SLC4A10: variants seen among roughly 807,000 people sequenced by gnomAD.
SLC4A10 encodes the protein solute carrier family 4 member 10, also known as sodium-driven chloride bicarbonate exchanger.
Under a neutral mutation model 137.7 loss-of-function variants are expected in SLC4A10, and 42 were observed. The observed-to-expected ratio is 0.30, with a 90% CI of 0.24 to 0.39. SLC4A10 has a LOEUF of 0.39. SLC4A10 is among the 10% of genes least tolerant of loss of function. SLC4A10 has a pLI of 1.00. For synonymous variants in SLC4A10, 474 were observed against 464.1 expected (o/e 1.02, Z -0.27); for missense variants, 925 against 1,355.0 (o/e 0.68, Z 4.98).
rs533675248 is a variant in SLC4A10, at chr2:161,651,920, G to C, written c.48+27354G>C. ...TCCCAGTGGACCTGAGCAATACTCA[G>C]GCAGAAGGCGCCGCTGGCCACAGAG... On this transcript the variant is annotated intron_variant, in intron 1 of 26. Transcript: ENST00000446997. 3.3e-5 allele frequency among the ~76,000 whole-genome samples: 5 copies of C among 152,318 alleles called. No homozygotes were observed. In the East Asian group the frequency reaches 9.7e-4, roughly 29 times the overall value.
intron 1 of SLC4A10, among the ~76,000 whole-genome samples, chr2:161,697,650 G>C (rs1425347664): frequency 6.6e-6 from 1 of 152,136 alleles, no homozygotes; most frequent in Non-Finnish European, 1.5e-5. Flanking sequence ...GCTCTATTCT[G>C]TTCCATTGAT....
At chr2:161,888,760 A>G (rs180818416) in intron 10 of SLC4A10, among the ~76,000 whole-genome samples, 1 of 152,236 alleles carries the variant, frequency 6.6e-6, no homozygotes, top group African/African-American at 2.4e-5. Flanking sequence ...CTCTCTTCCT[A>G]TTTGAATACC....
chr2:161,693,772 T>A (rs1387471074), intron 1 of SLC4A10, among the ~76,000 whole-genome samples: 1 of 151,610 alleles, frequency 6.6e-6, no homozygotes, highest in Non-Finnish European at 1.5e-5. Context: ...GCCCTTCAGG[T>A]TCATCCATGT....
chr2:161,917,114 C>T (rs1169411577), intron 15 of SLC4A10, among the ~76,000 whole-genome samples: 1 of 152,174 alleles, frequency 6.6e-6, no homozygotes, highest in Admixed American at 6.5e-5. Context: ...TAGAATTTTA[C>T]ATAAATGGAA....
intron 15 of SLC4A10, among the ~76,000 whole-genome samples, chr2:161,913,017 T>C (rs370096480): frequency 1.2e-4 from 19 of 152,246 alleles, no homozygotes; most frequent in African/African-American, 4.3e-4. Flanking sequence ...TCATGCAAGA[T>C]GAAGTCAAAG....
chr2:161,641,764 T>G (rs2035355325), intron 1 of SLC4A10, among the ~76,000 whole-genome samples: 1 of 152,002 alleles, frequency 6.6e-6, no homozygotes, highest in Non-Finnish European at 1.5e-5. Flanking sequence ...TAAAGACCAT[T>G]TGTGTAATAT....
At position 161,724,977 on chromosome 2, in the gene SLC4A10, C is replaced by G. The variant is rs1315225610; in HGVS notation, c.49-45996C>G. ...TGTTTAAGGGCAAAGGCATTAAATA[C>G]ACATCTTTTATTTCTTTAAAGCCAT... On this transcript the variant is annotated intron_variant, in intron 1 of 26. Coordinates refer to ENST00000446997, the MANE Select transcript of SLC4A10 (RefSeq NM_001178015.2). Among the ~76,000 whole-genome samples, 4 of 152,134 alleles carry G rather than the reference C, an allele frequency of 2.6e-5. No individual in the cohort carries two copies. The East Asian group carries it at 7.7e-4, about 29-fold the overall frequency.
intron 21 of SLC4A10, among the ~76,000 whole-genome samples, chr2:161,963,023 G>A (rs1383079056): frequency 6.6e-6 from 1 of 152,110 alleles, no homozygotes; most frequent in Admixed American, 6.6e-5. Context: ...AACAGTGACT[G>A]ACAGTGATTG....
chr2:161,942,965 C>CA (rs1251839305), intron 16 of SLC4A10, 68 bp downstream of exon 16: 1 of 1,279,126 alleles, frequency 7.8e-7, no homozygotes. Flanking sequence ...CAATTATTGC[C>CA]ATTACAGTAA....
chr2:161,795,110 CTG>C (rs1250954997), intron 2 of SLC4A10, among the ~76,000 whole-genome samples: 1 of 152,000 alleles, frequency 6.6e-6, no homozygotes, highest in African/African-American at 2.4e-5. Flanking sequence ...CCTGGGCCCT[CTG>C]TGTTTCTGTG....
In SLC4A10 at chr2:161,894,768, T is replaced by A; in HGVS notation, c.1284T>A (p.Pro428=). Residue 428 remains proline (P), a synonymous_variant, in exon 11 of 27, where the codon CCT becomes CCA. Coordinates refer to ENST00000446997, the MANE Select transcript of SLC4A10 (RefSeq NM_001178015.2). ...DEFLDQVTVL[P]PGEWDPSIRI... ...TTCTGGATCAGGTTACTGTTCTCCC[T>A]CCTGGAGAATGGGATCCAAGCATTC... 7.0e-7 allele frequency: 1 copy of A among 1,427,054 alleles called. No homozygotes were observed. The highest frequency in any genetic ancestry group is 1.9e-5 in the South Asian group (1 of 52,292). The allele number at this position is 1,427,054 out of a possible 1,614,324, so 88.4% of individuals were successfully genotyped here. A position where few individuals can be genotyped will look rare whatever the true frequency, so the allele number is the denominator to read the frequency against.
chr2:161,951,891 G>A (rs1694866932), intron 19 of SLC4A10, among the ~76,000 whole-genome samples: 1 of 152,082 alleles, frequency 6.6e-6, no homozygotes, highest in Non-Finnish European at 1.5e-5. Context: ...TGAGTATATG[G>A]TGGAGAGAAT....
chr2:161,831,442 T>A (rs1053621016), intron 3 of SLC4A10, among the ~76,000 whole-genome samples: 5 of 152,144 alleles, frequency 3.3e-5, no homozygotes, highest in Non-Finnish European at 7.4e-5. Flanking sequence ...GATTTTTTTT[T>A]ATGACTAAGG....
At chr2:161,933,562 T>A (rs990804295) in intron 15 of SLC4A10, among the ~76,000 whole-genome samples, 1 of 152,054 alleles carries the variant, frequency 6.6e-6, no homozygotes, top group Non-Finnish European at 1.5e-5. Flanking sequence ...CTGCCTAATT[T>A]AAAAAATTTG....
chr2:161,710,880 T>C (rs2044215798), intron 1 of SLC4A10: 1 of 264,624 alleles, frequency 3.8e-6, no homozygotes, highest in African/African-American at 2.2e-5. Context: ...CATTTCCTGC[T>C]TTCAAGGAGA....
At chr2:161,817,757 T>C (rs1483615717) in intron 3 of SLC4A10, among the ~76,000 whole-genome samples, 3 of 152,088 alleles carry the variant, frequency 2.0e-5, no homozygotes, top group African/African-American at 7.2e-5. Flanking sequence ...CATTGCTTGT[T>C]TTTGTCAGGT....
intron 1 of SLC4A10, among the ~76,000 whole-genome samples, chr2:161,683,752 A>G (rs1336921171): frequency 6.6e-6 from 1 of 152,194 alleles, no homozygotes; most frequent in African/African-American, 2.4e-5. Flanking sequence ...AAATGTTATC[A>G]TTTTGTAACA....
rs137919393 is a variant in SLC4A10 at position 161,825,276 on chromosome 2, A to G, written c.278-14513A>G. On this transcript the variant is annotated intron_variant, in intron 3 of 26. Transcript: ENST00000446997. ...CTGTAGTTGCTTTTTTTTCTTTTCT[A>G]CCTTGAACATCTTCCTGCAGATGCT... is the stretch of plus-strand genomic sequence containing the variant. 7.2e-5 allele frequency among the ~76,000 whole-genome samples: 11 copies of G among 151,834 alleles called. No individual in the cohort carries two copies. The East Asian group carries it at 1.9e-3, about 27-fold the overall frequency.
chr2:161,945,339 A>G (rs1575778321), intron 16 of SLC4A10, among the ~76,000 whole-genome samples: 1 of 150,780 alleles, frequency 6.6e-6, no homozygotes, highest in South Asian at 2.1e-4. Flanking sequence ...CCTGAATTAC[A>G]TATTTAGCTT....
Sources: allele counts gnomAD v4.1 joint callset (sites outside exome capture counted in the v4.1 genomes callset), GRCh38; gene constraint gnomAD v4.1.1; transcripts MANE v1.5; gene names NCBI Gene and HGNC (gene_info 2026-07-23, HGNC 2026-07-21).